The following AAK1 variants were observed in gnomAD, a reference collection of about 807,000 sequenced individuals.
AAK1 encodes the protein AP2-associated protein kinase 1.
AAK1 carries 37 observed loss-of-function variants against 116.0 expected under a neutral mutation model. The observed-to-expected ratio is 0.32, with a 90% CI of 0.25 to 0.42. AAK1 has a LOEUF of 0.42. Ranked by LOEUF, AAK1 falls within the 10% of genes least tolerant of loss-of-function variation. The probability of loss-of-function intolerance (pLI) is 1.00; values close to 1 mark genes in which losing one functional copy is unlikely to be tolerated. For synonymous variants in AAK1, 458 were observed against 439.9 expected, an observed-to-expected ratio of 1.04 and a Z score of -0.51; for missense variants, 919 against 1,170.6, an observed-to-expected ratio of 0.79 and a Z score of 3.14.
At chr2:69,516,393 G>A (rs776270071) in intron 12 of AAK1, among the ~76,000 whole-genome samples, 3 of 149,918 alleles carry the variant, frequency 2.0e-5, no homozygotes, top group Non-Finnish European at 4.4e-5. Context: ...ATATAAATCC[G>A]AATTCATAAT....
In AAK1 at chr2:69,460,614, C is replaced by G. The variant is rs1246612654; in HGVS notation, c.*15255G>C. The G allele has an allele frequency of 1.3e-5, 2 of 152,194 alleles. No homozygotes were observed. The highest frequency in any genetic ancestry group is 2.4e-5 in the African/African-American group (1 of 41,444). 9.4% of individuals were successfully genotyped at this position (152,194 alleles called of 1,614,324 possible). The stretch of plus-strand genomic sequence containing the variant: ...ACATGAGCCTCTAAACACATACACT[C>G]TAGTCTACAAATATGAGACTTTTCA... On this transcript the variant is annotated 3_prime_UTR_variant, in exon 22 of 22. Coordinates refer to ENST00000409085, the MANE Select transcript of AAK1 (RefSeq NM_014911.5).
chr2:69,473,209 G>T lies in AAK1; in HGVS notation c.*2660C>A. Reference sequence around the variant, plus strand: ...GATGAGATCCCAGGTGGCCTGTCCTGCCCAGGCCTCTTCTCCCCCGACCCT... The same window carrying T: ...GATGAGATCCCAGGTGGCCTGTCCTTCCCAGGCCTCTTCTCCCCCGACCCT... On this transcript the variant is annotated 3_prime_UTR_variant, in exon 22 of 22. Transcript: ENST00000409085. 1 of 857,014 alleles carries T rather than the reference G, an allele frequency of 1.2e-6. No homozygotes were observed. The highest frequency in any genetic ancestry group is 1.4e-6 in the Non-Finnish European group (1 of 712,810). The allele number at this position is 857,014 out of a possible 1,614,324, so 53.1% of individuals were successfully genotyped here. A position where few individuals can be genotyped will look rare whatever the true frequency, so the allele number is the denominator to read the frequency against.
chr2:69,561,393 T>C (rs570546636), intron 2 of AAK1, among the ~76,000 whole-genome samples: 14 of 152,332 alleles, frequency 9.2e-5, no homozygotes, highest in African/African-American at 1.2e-4. Flanking sequence ...AGCATGTGTA[T>C]ACGACTTATT....
chr2:69,500,698 T>TACAC (rs563907265), intron 16 of AAK1, among the ~76,000 whole-genome samples: 796 of 65,024 alleles, frequency 0.012, 20 homozygotes, highest in African/African-American at 0.03. Context: ...TATATATATA[T>TACAC]ACACACACAC....
intron 2 of AAK1, among the ~76,000 whole-genome samples, chr2:69,569,348 T>C (rs918355751): frequency 2.0e-5 from 3 of 152,236 alleles, no homozygotes; most frequent in Non-Finnish European, 4.4e-5. Flanking sequence ...ATCAGCTGTT[T>C]ATCATCCATC....
chr2:69,615,255 G>A (rs968960437), intron 2 of AAK1, among the ~76,000 whole-genome samples: 2 of 152,170 alleles, frequency 1.3e-5, no homozygotes, highest in East Asian at 1.9e-4. Flanking sequence ...TCGCAGAGAA[G>A]CCCCGCAGGC....
In AAK1 at chr2:69,480,921, C is replaced by T. The variant is rs1241144482; in HGVS notation, c.2508G>A (p.Leu836=). The T allele has an allele frequency of 1.9e-6, 3 of 1,607,638 alleles. No individual in the cohort carries two copies. The Admixed American group carries it at 5.1e-5, about 27-fold the overall frequency. ...DVAVESLIPG[L]EPPVPQRLPS... is the part of the protein sequence containing the mutation. The stretch of plus-strand genomic sequence containing the variant: ...GGAGGCGCTGGGGAACTGGGGGCTC[C>T]AGTCCTGGTATGAGACTCTCAACAG... Residue 836 remains leucine (L), a synonymous_variant, in exon 19 of 22, where the codon CTG becomes CTA. Coordinates refer to ENST00000409085, the MANE Select transcript of AAK1 (RefSeq NM_014911.5).
chr2:69,489,782 A>G (rs977944496), intron 17 of AAK1, among the ~76,000 whole-genome samples: 3 of 152,238 alleles, frequency 2.0e-5, no homozygotes, highest in Admixed American at 2.0e-4. Context: ...CTTAGCATTG[A>G]GAAACCATTT....
rs1050325142 is a variant in AAK1, at chr2:69,474,354, T to C, written c.*1515A>G. 2.0e-6 allele frequency: 2 copies of C among 985,840 alleles called. No homozygotes were observed. The highest frequency in any genetic ancestry group is 3.5e-5 in the African/African-American group (2 of 57,346). The allele number at this position is 985,840 out of a possible 1,614,324, so 61.1% of individuals were successfully genotyped here. On this transcript the variant is annotated 3_prime_UTR_variant, in exon 22 of 22. Coordinates refer to ENST00000409085, the MANE Select transcript of AAK1 (RefSeq NM_014911.5). ...AAAAGAACAGGAGTGGGGTTCTCTGTGCCCACTTCTTTTCAAAAGGGTGAT... is the reference window on the plus strand; with the variant it reads ...AAAAGAACAGGAGTGGGGTTCTCTGCGCCCACTTCTTTTCAAAAGGGTGAT...
chr2:69,524,996 T>G, intron 10 of AAK1, 37 bp downstream of exon 10: 1 of 1,586,568 alleles, frequency 6.3e-7, no homozygotes, highest in Non-Finnish European at 8.7e-7. Flanking sequence ...GCTGTGGCAA[T>G]CCAAGGAGGA....
intron 3 of AAK1, among the ~76,000 whole-genome samples, chr2:69,551,006 T>C (rs888118838): frequency 4.6e-5 from 7 of 152,182 alleles, no homozygotes; most frequent in Non-Finnish European, 1.0e-4. Context: ...CCATCCCCTA[T>C]AGTGAACCAC....
Position 69,643,731 on chromosome 2 carries a change from G to C in AAK1, c.-391C>G. On this transcript the variant is annotated 5_prime_UTR_variant, in exon 1 of 22. Coordinates refer to ENST00000409085, the MANE Select transcript of AAK1 (RefSeq NM_014911.5). ...CGCCAGCTGATCCCGGGAGCGCCGG[G>C]CGGAGACTGACCCGCCGCCCCTCCC... 1 of 1,209,896 alleles carries C rather than the reference G, an allele frequency of 8.3e-7. No individual in the cohort carries two copies. The highest frequency in any genetic ancestry group is 1.0e-6 in the Non-Finnish European group (1 of 974,054). The allele number at this position is 1,209,896 out of a possible 1,614,324, so 74.9% of individuals were successfully genotyped here.
At chr2:69,493,146 G>C (rs370062617) in intron 17 of AAK1, among the ~76,000 whole-genome samples, 1 of 41,584 alleles carries the variant, frequency 2.4e-5, no homozygotes, top group Non-Finnish European at 5.1e-5. Context: ...GCGACAGAGC[G>C]AGACTCCGTC....
rs1676301477 is a variant in AAK1, at chr2:69,509,256, C to A, written c.1981G>T (p.Ala661Ser). The change falls in exon 14 of 22, where the codon GCT becomes TCT. Residue 661 changes from alanine to serine, a missense_variant. By Grantham distance (99) the Ala-to-Ser change is moderately conservative. This residue lies in a region of AAK1 where 125 missense variants were observed against 184.1 expected (regional missense o/e 0.68). Coordinates refer to ENST00000409085, the MANE Select transcript of AAK1 (RefSeq NM_014911.5). ...KSTQLLQAAAAEASLNKSKSA... is the reference protein window; with the variant it reads ...KSTQLLQAAASEASLNKSKSA... ...TTGGACTTATTGAGACTGGCCTCAG[C>A]TGCAGCTGCCTGGAGCAGCTGGGTT... 1 of 1,614,018 alleles carries A rather than the reference C, an allele frequency of 6.2e-7. No homozygotes were observed. Among genetic ancestry groups the A allele is most frequent in the Non-Finnish European group, 8.5e-7 (1 of 1,179,876 alleles).
At chr2:69,569,870 C>T (rs1672023956) in intron 2 of AAK1, among the ~76,000 whole-genome samples, 1 of 152,048 alleles carries the variant, frequency 6.6e-6, no homozygotes, top group African/African-American at 2.4e-5. Context: ...TTGTCCTCTC[C>T]CTTACGGATG....
In AAK1 at chr2:69,461,131, C is replaced by G. The variant is rs1033583263; in HGVS notation, c.*14738G>C. 2.6e-5 allele frequency: 4 copies of G among 152,142 alleles called. No homozygotes were observed. Among genetic ancestry groups the G allele is most frequent in the Admixed American group, 6.5e-5 (1 of 15,276 alleles). The allele number at this position is 152,142 out of a possible 1,614,324, so 9.4% of individuals were successfully genotyped here. A position where few individuals can be genotyped will look rare whatever the true frequency, so the allele number is the denominator to read the frequency against. On this transcript the variant is annotated 3_prime_UTR_variant, in exon 22 of 22. Coordinates refer to ENST00000409085, the MANE Select transcript of AAK1 (RefSeq NM_014911.5). ...AGATTATACCATATTTTTACTGTAC[C>G]TTTTCTATGTCTAAAATGTTTGGAT...
At position 69,532,292 on chromosome 2, in the gene AAK1, C is replaced by T. The variant is rs943261751; in HGVS notation, c.535-130G>A. ...CATTAATGTGCACAGGGAAGTTATTCCTCTCCAAGTATCTCAACAGGGGTC... is the reference window on the plus strand; with the variant it reads ...CATTAATGTGCACAGGGAAGTTATTTCTCTCCAAGTATCTCAACAGGGGTC... On this transcript the variant is annotated intron_variant, in intron 5 of 21. Coordinates refer to ENST00000409085, the MANE Select transcript of AAK1 (RefSeq NM_014911.5). The T allele has an allele frequency of 2.7e-6, 3 of 1,114,034 alleles. No homozygotes were observed. The African/African-American group carries it at 4.7e-5, about 18-fold the overall frequency. 69.0% of individuals were successfully genotyped at this position (1,114,034 alleles called of 1,614,324 possible).
chr2:69,522,981 C>T (rs7565783), intron 10 of AAK1, among the ~76,000 whole-genome samples: 46,535 of 152,032 alleles, frequency 0.31, 8,588 homozygotes, highest in East Asian at 0.7. Flanking sequence ...CACTAAGTAA[C>T]TGTGTGATAA....
chr2:69,608,823 C>T (rs1396448581), intron 2 of AAK1, among the ~76,000 whole-genome samples: 1 of 152,168 alleles, frequency 6.6e-6, no homozygotes, highest in Non-Finnish European at 1.5e-5. Context: ...CATTTCTATA[C>T]ACTAACAGCG....
Sources: gnomAD v4.1 joint callset for allele counts (sites outside exome capture counted in the v4.1 genomes callset) on GRCh38, gnomAD v4.1.1 for gene constraint, gnomAD v4.1.1 regional missense constraint, MANE v1.5 for transcripts, NCBI Gene and HGNC (gene_info 2026-07-23, HGNC 2026-07-21) for gene names.